Variants in MMD observed in about 807,000 individuals in gnomAD.
MMD encodes the protein monocyte to macrophage differentiation associated, also known as monocyte to macrophage differentiation factor.
MMD carries 22 observed loss-of-function variants against 33.6 expected under a neutral mutation model. The observed-to-expected ratio is 0.66, with a 90% confidence interval of 0.47 to 0.94. The LOEUF (loss-of-function observed/expected upper bound fraction) is 0.94, where lower values mean the gene tolerates loss of function less well. MMD is among the 40% of genes least tolerant of loss of function. The pLI, the probability that MMD is intolerant of heterozygous loss-of-function variation, is 0.00. For missense variants in MMD, 242 were observed against 309.8 expected, an observed-to-expected ratio of 0.78 and a Z score of 1.64; for synonymous variants, 97 against 103.2, an observed-to-expected ratio of 0.94 and a Z score of 0.36.
At chr17:55,395,038 C>T (rs1332759284) in intron 6 of MMD, among the ~76,000 whole-genome samples, 4 of 152,198 alleles carry the variant, frequency 2.6e-5, no homozygotes, top group Non-Finnish European at 5.9e-5. Flanking sequence ...CTTATAGATT[C>T]CTTAAGGCTG....
intron 3 of MMD, among the ~76,000 whole-genome samples, chr17:55,410,444 G>A (rs1383521712): frequency 1.3e-5 from 2 of 152,096 alleles, no homozygotes; most frequent in African/African-American, 4.8e-5. Context: ...TGCCCTTTAG[G>A]GTTGTGCAGA....
intron 3 of MMD, among the ~76,000 whole-genome samples, chr17:55,410,386 A>C (rs1441029797): frequency 6.6e-6 from 1 of 152,324 alleles, no homozygotes; most frequent in East Asian, 1.9e-4. Context: ...GTATTTCTTT[A>C]AATTGCTCAT....
intron 3 of MMD, among the ~76,000 whole-genome samples, chr17:55,410,726 AATTTTCAAGTT>A (rs1220245458): frequency 6.6e-6 from 1 of 152,230 alleles, no homozygotes; most frequent in Non-Finnish European, 1.5e-5. Context: ...GGTCTTTTGT[AATTTTCAAGTT>A]ATTTTCAAGT....
chr17:55,421,832 G>C lies in MMD; in HGVS notation c.-137C>G, dbSNP rs1268113078. On this transcript the variant is annotated 5_prime_UTR_variant, in exon 1 of 7. Transcript: ENST00000262065. ...GGAACCCTTCGGCCGGGTAGGGTCG[G>C]AGTGGGCCAGGCCGGGGGTCGGGAC... 21 of 963,108 alleles carry C rather than the reference G, an allele frequency of 2.2e-5. No homozygotes were observed. In the East Asian group the frequency reaches 6.7e-4, roughly 31 times the overall value. The allele number at this position is 963,108 out of a possible 1,614,324, so 59.7% of individuals were successfully genotyped here.
intron 4 of MMD, among the ~76,000 whole-genome samples, chr17:55,405,912 T>C (rs977377748): frequency 6.6e-6 from 1 of 152,228 alleles, no homozygotes; most frequent in African/African-American, 2.4e-5. Context: ...AGCTAATGTT[T>C]CTTTAATTAA....
chr17:55,395,953 C>T (rs904079153), intron 6 of MMD, among the ~76,000 whole-genome samples: 5 of 152,150 alleles, frequency 3.3e-5, no homozygotes, highest in African/African-American at 1.2e-4. Context: ...CTAACACAAC[C>T]CCCTTATTGC....
chr17:55,415,814 G>A (rs1234970592), intron 1 of MMD, among the ~76,000 whole-genome samples: 1 of 152,108 alleles, frequency 6.6e-6, no homozygotes, highest in Non-Finnish European at 1.5e-5. Context: ...TCTACCAGAT[G>A]GTTTGAAAAC....
At chr17:55,398,706 T>G (rs545640488) in intron 6 of MMD, among the ~76,000 whole-genome samples, 1 of 152,310 alleles carries the variant, frequency 6.6e-6, no homozygotes, top group African/African-American at 2.4e-5. Flanking sequence ...CTTTCAAGGT[T>G]TGTCTGGGCC....
intron 3 of MMD, among the ~76,000 whole-genome samples, chr17:55,408,179 G>C (rs529879724): frequency 6.6e-6 from 1 of 152,212 alleles, no homozygotes; most frequent in East Asian, 1.9e-4. Context: ...GAAGTTCCTG[G>C]AGGGCAGACC....
intron 3 of MMD, 67 bp downstream of exon 3, chr17:55,411,190 T>C: frequency 6.5e-7 from 1 of 1,527,358 alleles, no homozygotes; most frequent in Non-Finnish European, 8.9e-7. Context: ...CATGCCAGCT[T>C]GGAAGGGTAC....
At chr17:55,415,352 C>T (rs935642345) in intron 1 of MMD, among the ~76,000 whole-genome samples, 2 of 151,620 alleles carry the variant, frequency 1.3e-5, no homozygotes, top group African/African-American at 4.8e-5. Context: ...GTCTGTAAGA[C>T]GTCAACAGGC....
chr17:55,408,893 C>T lies in MMD; in HGVS notation c.270-1073G>A, dbSNP rs550690462. Among the ~76,000 whole-genome samples, 11 of 152,056 alleles carry T rather than the reference C, an allele frequency of 7.2e-5. No homozygotes were observed. In the South Asian group the frequency reaches 2.3e-3, roughly 32 times the overall value. On this transcript the variant is annotated intron_variant, in intron 3 of 6. Coordinates refer to ENST00000262065, the MANE Select transcript of MMD (RefSeq NM_012329.3). Reference sequence around the variant, plus strand: ...GCGCACGCCTGTAGTCCAAGCTACTCGGATGGCTGAAGCACAAGAATCACT... The same window carrying T: ...GCGCACGCCTGTAGTCCAAGCTACTTGGATGGCTGAAGCACAAGAATCACT...
chr17:55,408,680 A>T (rs1907648403), intron 3 of MMD, among the ~76,000 whole-genome samples: 1 of 152,202 alleles, frequency 6.6e-6, no homozygotes, highest in African/African-American at 2.4e-5. Context: ...GCAAATAATA[A>T]AGACTTGTGT....
At position 55,394,264 on chromosome 17, in the gene MMD, T is replaced by C. The variant is rs1247030641; in HGVS notation, c.*70A>G. ...ATTTTTTTTCTTTCCCTGTGCAATGTTTAGCTCTCACCCCACTCCCAAGTG... is the reference window on the plus strand; with the variant it reads ...ATTTTTTTTCTTTCCCTGTGCAATGCTTAGCTCTCACCCCACTCCCAAGTG... On this transcript the variant is annotated 3_prime_UTR_variant, in exon 7 of 7. Transcript: ENST00000262065. 3.5e-6 allele frequency: 4 copies of C among 1,145,468 alleles called. No homozygotes were observed. The highest frequency in any genetic ancestry group is 4.6e-6 in the Non-Finnish European group (4 of 868,458). 71.0% of individuals were successfully genotyped at this position (1,145,468 alleles called of 1,614,324 possible).
At chr17:55,399,493 T>C (rs145255896) in intron 6 of MMD, among the ~76,000 whole-genome samples, 170 of 152,304 alleles carry the variant, frequency 1.1e-3, no homozygotes, top group African/African-American at 4.0e-3. Context: ...AGCTGGTACA[T>C]GTATTTTATG....
In MMD at chr17:55,394,143, C is replaced by T. The variant is rs757436496; in HGVS notation, c.*191G>A. 2.0e-5 allele frequency: 8 copies of T among 409,856 alleles called. No individual in the cohort carries two copies. The highest frequency in any genetic ancestry group is 3.4e-5 in the Non-Finnish European group (8 of 237,178). The allele number at this position is 409,856 out of a possible 1,614,324, so 25.4% of individuals were successfully genotyped here. On this transcript the variant is annotated 3_prime_UTR_variant, in exon 7 of 7. Transcript: ENST00000262065. ...TGGAATGGAATGAATAATTAATTCACTACCTTATTTATTTGCTGTGAGGCA... is the reference window on the plus strand; with the variant it reads ...TGGAATGGAATGAATAATTAATTCATTACCTTATTTATTTGCTGTGAGGCA...
At chr17:55,403,648 T>C (rs1907431581) in intron 5 of MMD, 119 bp downstream of exon 5, 1 of 609,890 alleles carries the variant, frequency 1.6e-6, no homozygotes, top group Non-Finnish European at 2.7e-6. Context: ...AAAAATAACA[T>C]ATTCTATATA....
At position 55,399,331 on chromosome 17, in the gene MMD, G is replaced by A. The variant is rs555069697; in HGVS notation, c.516+2138C>T. ...AGTCTGAGACCCATGATTCTGGCCA[G>A]AACCAAAGATTCGCATTTTCATTCA... On this transcript the variant is annotated intron_variant, in intron 6 of 6. Coordinates refer to ENST00000262065, the MANE Select transcript of MMD (RefSeq NM_012329.3). Among the ~76,000 whole-genome samples the A allele has an allele frequency of 4.6e-5, 7 of 152,264 alleles. 1 individual carries two copies. In the South Asian group the frequency reaches 1.5e-3, roughly 32 times the overall value.
chr17:55,404,125 CA>C (rs1907448893), intron 4 of MMD, among the ~76,000 whole-genome samples: 1 of 152,124 alleles, frequency 6.6e-6, no homozygotes, highest in Middle Eastern at 3.2e-3. Context: ...GAGGCCGAGG[CA>C]GACGGATCAC....
Sources: allele counts gnomAD v4.1 joint callset (sites outside exome capture counted in the v4.1 genomes callset), GRCh38; gene constraint gnomAD v4.1.1; transcripts MANE v1.5; gene names NCBI Gene and HGNC (gene_info 2026-07-23, HGNC 2026-07-21).